Variants in PPM1B observed in about 807,000 individuals in gnomAD.
The protein encoded by PPM1B is protein phosphatase, Mg2+/Mn2+ dependent 1B.
PPM1B carries 22 observed loss-of-function variants against 43.0 expected under a neutral mutation model. That is an observed-to-expected ratio of 0.51 (90% confidence interval 0.37 to 0.73). The LOEUF (loss-of-function observed/expected upper bound fraction) is 0.73. Ranked by LOEUF, PPM1B falls within the 30% of genes least tolerant of loss-of-function variation. The pLI is 0.00. For missense variants in PPM1B, 632 were observed against 584.2 expected (o/e 1.08, Z -0.84); for synonymous variants, 217 against 197.9 (o/e 1.10, Z -0.81).
intron 5 of PPM1B, among the ~76,000 whole-genome samples, chr2:44,219,419 A>G (rs1669872381): frequency 1.3e-5 from 2 of 152,214 alleles, no homozygotes; most frequent in South Asian, 4.1e-4. Flanking sequence ...TAGAAATCAT[A>G]TGTCATCTCA....
chr2:44,209,187 TC>T (rs1374694876), intron 2 of PPM1B, 22 bp from the exon 3 acceptor site: 10 of 1,528,216 alleles, frequency 6.5e-6, no homozygotes, highest in Non-Finnish European at 8.8e-6. Context: ...CAATTTTTTT[TC>T]TTTTTTTTCT....
intron 1 of PPM1B, among the ~76,000 whole-genome samples, chr2:44,174,988 C>G (rs1195763218): frequency 6.6e-6 from 1 of 152,198 alleles, no homozygotes; most frequent in Non-Finnish European, 1.5e-5. Context: ...GGCCTGGTGG[C>G]TCACGCCTAT....
intron 2 of PPM1B, among the ~76,000 whole-genome samples, chr2:44,205,437 T>C (rs996003872): frequency 1.3e-5 from 2 of 150,084 alleles, no homozygotes; most frequent in Admixed American, 1.3e-4. Context: ...AAGGGAAACA[T>C]TAAGACTAAA....
intron 3 of PPM1B, among the ~76,000 whole-genome samples, chr2:44,216,745 G>T (rs563899263): frequency 6.6e-6 from 1 of 152,066 alleles, no homozygotes; most frequent in African/African-American, 2.4e-5. Context: ...GGCCAACATG[G>T]TGAAACCCCA....
At chr2:44,217,787 G>C in intron 3 of PPM1B, 180 bp from the exon 4 acceptor site, 1 of 410,556 alleles carries the variant, frequency 2.4e-6, no homozygotes, top group Non-Finnish European at 4.4e-6. Flanking sequence ...CCCCTGCATA[G>C]CAATGTTTCA....
chr2:44,228,064 A>G (rs1398343803), intron 5 of PPM1B, among the ~76,000 whole-genome samples: 3 of 151,056 alleles, frequency 2.0e-5, no homozygotes, highest in African/African-American at 4.9e-5. Context: ...CTGGGATTGC[A>G]GGCACTTGCC....
chr2:44,235,603 CAAAAAA>C (rs60734033), downstream of PPM1B, among the ~76,000 whole-genome samples: 19 of 73,502 alleles, frequency 2.6e-4, no homozygotes, highest in African/African-American at 8.7e-4. Context: ...AATTCCATCT[CAAAAAA>C]AAAAAAAAAA....
chr2:44,178,472 ATATTT>A (rs1667696834), intron 1 of PPM1B, among the ~76,000 whole-genome samples: 1 of 71,224 alleles, frequency 1.4e-5, no homozygotes, highest in African/African-American at 4.4e-5. Context: ...ATATATATAT[ATATTT>A]TTTTTTTTAG....
chr2:44,213,927 C>A (rs1024024602), intron 3 of PPM1B, among the ~76,000 whole-genome samples: 1 of 152,124 alleles, frequency 6.6e-6, no homozygotes, highest in African/African-American at 2.4e-5. Context: ...TCTTAGTTTC[C>A]TTCTTCCTCA....
chr2:44,188,481 A>C (rs1034914774), intron 1 of PPM1B, among the ~76,000 whole-genome samples: 11 of 147,160 alleles, frequency 7.5e-5, no homozygotes, highest in African/African-American at 2.8e-4. Context: ...CTGCAGCCTC[A>C]ACCTCCCAGG....
At chr2:44,218,146 AACTT>A (rs983926225) in intron 4 of PPM1B, 68 bp downstream of exon 4, 1 of 1,170,204 alleles carries the variant, frequency 8.5e-7, no homozygotes, top group African/African-American at 1.5e-5. Flanking sequence ...GGGGTAAAAA[AACTT>A]AAATCAGAAG....
At chr2:44,195,085 G>T (rs1199759825) in intron 1 of PPM1B, among the ~76,000 whole-genome samples, 1 of 151,494 alleles carries the variant, frequency 6.6e-6, no homozygotes, top group Admixed American at 6.6e-5. Context: ...TAGAGACAGG[G>T]TTTCACCATA....
At chr2:44,213,702 A>G (rs1669588922) in intron 3 of PPM1B, 2 of 152,176 alleles carry the variant, frequency 1.3e-5, no homozygotes, top group African/African-American at 2.4e-5. Context: ...TTAGGTCTCA[A>G]TGCTTTTGAG....
intron 2 of PPM1B, 76 bp from the exon 3 acceptor site, chr2:44,209,134 G>T (rs551603007): frequency 8.1e-7 from 1 of 1,240,460 alleles, no homozygotes; most frequent in East Asian, 2.6e-5. Flanking sequence ...AACTATAATT[G>T]CTTAAAGTAT....
intron 3 of PPM1B, among the ~76,000 whole-genome samples, chr2:44,214,959 T>C (rs2104206940): frequency 6.6e-6 from 1 of 152,368 alleles, no homozygotes; most frequent in African/African-American, 2.4e-5. Context: ...ACTTCTGTAA[T>C]AGCCACATTT....
chr2:44,180,615 T>C (rs980975147), intron 1 of PPM1B, among the ~76,000 whole-genome samples: 1 of 152,064 alleles, frequency 6.6e-6, no homozygotes, highest in Non-Finnish European at 1.5e-5. Flanking sequence ...TTTAAATTAC[T>C]TTTGTTTTTT....
At chr2:44,205,202 G>A (rs1669120987) in intron 2 of PPM1B, among the ~76,000 whole-genome samples, 1 of 152,144 alleles carries the variant, frequency 6.6e-6, no homozygotes, top group Admixed American at 6.6e-5. Context: ...GGAAATGGAG[G>A]TTGTTTGATA....
intron 1 of PPM1B, among the ~76,000 whole-genome samples, chr2:44,175,626 GGT>G (rs1457372057): frequency 6.6e-6 from 1 of 152,080 alleles, no homozygotes; most frequent in Non-Finnish European, 1.5e-5. Context: ...GAAGATTTGG[GGT>G]GTGTGTGTTT....
chr2:44,190,063 T>A (rs535513894), intron 1 of PPM1B, among the ~76,000 whole-genome samples: 1 of 152,180 alleles, frequency 6.6e-6, no homozygotes, highest in Non-Finnish European at 1.5e-5. Context: ...AAGATTAAGC[T>A]ACCATTGGGC....
Sources: gnomAD v4.1 joint callset for allele counts (sites outside exome capture counted in the v4.1 genomes callset) on GRCh38, gnomAD v4.1.1 for gene constraint, MANE v1.5 for transcripts, NCBI Gene and HGNC (gene_info 2026-07-23, HGNC 2026-07-21) for gene names.